SPTB: variants seen among roughly 807,000 people sequenced by gnomAD.
The protein encoded by SPTB is spectrin beta chain, erythrocytic.
Under a neutral mutation model 256.2 loss-of-function variants are expected in SPTB, and 45 were observed. The observed-to-expected ratio is 0.18, with a 90% confidence interval of 0.14 to 0.23. The LOEUF (loss-of-function observed/expected upper bound fraction) is 0.23. SPTB is among the 10% of genes least tolerant of loss of function. The probability of loss-of-function intolerance (pLI) is 1.00; values close to 1 mark genes in which losing one functional copy is unlikely to be tolerated. For missense variants in SPTB, 2,715 were observed against 3,040.4 expected, an observed-to-expected ratio of 0.89 and a Z score of 2.52; for synonymous variants, 1,231 against 1,243.1, an observed-to-expected ratio of 0.99 and a Z score of 0.21.
rs1173402723 is a variant in SPTB, at chr14:64,823,963, T to G, written c.-51-818A>C. ...TGATGAACCAGCGCATCAGGAGCAC[T>G]GGGTCCTCCCTCACCCGTCATCAGT... is the stretch of plus-strand genomic sequence containing the variant. On this transcript the variant is annotated intron_variant, in intron 1 of 35. Coordinates refer to ENST00000644917, the MANE Select transcript of SPTB (RefSeq NM_001355436.2). This position sits in a 1 kb window ranked among gnomAD's most constrained non-coding sequence, Gnocchi z 6.5. Among the ~76,000 whole-genome samples, 3 of 152,206 alleles carry G rather than the reference T, an allele frequency of 2.0e-5. No homozygotes were observed. Among genetic ancestry groups the G allele is most frequent in the African/African-American group, 4.8e-5 (2 of 41,454 alleles).
chr14:64,775,444 C>T lies in SPTB; in HGVS notation c.4564-41G>A, dbSNP rs1391817629. The T allele has an allele frequency of 6.3e-7, 1 of 1,593,248 alleles. No individual in the cohort carries two copies. Among genetic ancestry groups the T allele is most frequent in the South Asian group, 1.1e-5 (1 of 88,318 alleles). On this transcript the variant is annotated intron_variant, in intron 22 of 35. Transcript: ENST00000644917. The surrounding 1 kb of genome is among the most constrained non-coding windows in gnomAD (Gnocchi z 5.0). ...AGGGCTCGGGGCAGGGCCTTCCCAC[C>T]ATGCGGGGGAGGCTGCTTCAGCAGT...
Position 64,790,554 on chromosome 14 carries a change from C to T in SPTB, c.2804+1165G>A, listed in dbSNP as rs10129595. Among the ~76,000 whole-genome samples the T allele has an allele frequency of 0.086, 13,164 of 152,264 alleles. 615 individuals are homozygous for T. The highest frequency in any genetic ancestry group is 0.19 in the South Asian group (897 of 4,826). ...CACTCTGCAGCTTGGGCTGCTAAGA[C>T]AATCATCCCATTCTAGTGGCTCTAA... On this transcript the variant is annotated intron_variant, in intron 15 of 35. Transcript: ENST00000644917. This position sits in a 1 kb window ranked among gnomAD's most constrained non-coding sequence, Gnocchi z 4.8.
Position 64,799,847 on chromosome 14 carries a change from T to C in SPTB, c.964A>G (p.Ile322Val), listed in dbSNP as rs202239352. Residue 322 changes from isoleucine (I) to valine (V), a missense_variant, in exon 9 of 36, where the codon ATC (isoleucine) becomes GTC (valine). Physicochemically the swap from Ile to Val is conservative, Grantham distance 29. This residue lies in a region of SPTB where 416 missense variants were observed against 571.1 expected (regional missense o/e 0.73). Coordinates refer to ENST00000644917, the MANE Select transcript of SPTB (RefSeq NM_001355436.2). The stretch of plus-strand genomic sequence containing the variant: ...AACTTGCGGCTGTTCAGGACAGTGA[T>C]GGTCTGCTCGATCCAGGTGAGCAGG... ...SDLLTWIEQT[I>V]TVLNSRKFAN... is the part of the protein sequence containing the mutation. 290 of 1,614,256 alleles carry C rather than the reference T, an allele frequency of 1.8e-4. No homozygotes were observed. Among genetic ancestry groups the C allele is most frequent in the Middle Eastern group, 4.9e-4 (3 of 6,062 alleles).
chr14:64,871,558 G>A (rs1239876059), intron 1 of SPTB, among the ~76,000 whole-genome samples: 4 of 152,180 alleles, frequency 2.6e-5, no homozygotes, highest in Admixed American at 6.5e-5. Flanking sequence ...ACTCCAGGTC[G>A]CTTAACTTGA....
In SPTB at chr14:64,771,002, C is replaced by T. The variant is rs1371219955; in HGVS notation, c.5681G>A (p.Gly1894Glu). 6.2e-7 allele frequency: 1 copy of T among 1,614,160 alleles called. No individual in the cohort carries two copies. The highest frequency in any genetic ancestry group is 1.1e-5 in the South Asian group (1 of 91,092). ...AWQALLDACA[G>E]RRTQLVDTAD... is the part of the protein sequence containing the mutation. The stretch of plus-strand genomic sequence containing the variant: ...CGTGTCCACTAGCTGGGTCCGGCGC[C>T]CGGCACAGGCATCGAGCAGCGCCTG... The change falls in exon 27 of 36, where the codon GGG (glycine) becomes GAG (glutamate). Residue 1894 changes from glycine to glutamate, a missense_variant. Physicochemically the swap from Gly to Glu is moderately conservative, Grantham distance 98. Coordinates refer to ENST00000644917, the MANE Select transcript of SPTB (RefSeq NM_001355436.2).
At chr14:64,801,943 T>C in intron 5 of SPTB, 109 bp from the exon 6 acceptor site, 2 of 1,152,836 alleles carry the variant, frequency 1.7e-6, no homozygotes, top group Admixed American at 3.7e-5. Flanking sequence ...CTGTCCTTTC[T>C]TGAGCCAGGT....
chr14:64,749,914 C>T lies in SPTB; in HGVS notation c.6776+67G>A, dbSNP rs1233946404. On this transcript the variant is annotated intron_variant, in intron 34 of 35. Coordinates refer to ENST00000644917, the MANE Select transcript of SPTB (RefSeq NM_001355436.2). This position sits in a 1 kb window ranked among gnomAD's most constrained non-coding sequence, Gnocchi z 4.7. ...CTGGCACTGGTCCCCTACAGAGGGC[C>T]TCTGCCCTGCCACTAATGCCAAATC... The T allele has an allele frequency of 3.1e-6, 5 of 1,605,860 alleles. No homozygotes were observed. In the African/African-American group the frequency reaches 5.3e-5, roughly 17 times the overall value.
chr14:64,765,280 C>G (rs1414233147), intron 32 of SPTB, among the ~76,000 whole-genome samples: 1 of 152,070 alleles, frequency 6.6e-6, no homozygotes, highest in Non-Finnish European at 1.5e-5. Flanking sequence ...TCCCTTGGCC[C>G]CCAGTGCAGC....
In SPTB at chr14:64,775,016, T is replaced by C. The variant is rs2082335779; in HGVS notation, c.4842+109A>G. The C allele has an allele frequency of 1.3e-6, 2 of 1,511,800 alleles. No homozygotes were observed. The highest frequency in any genetic ancestry group is 1.8e-6 in the Non-Finnish European group (2 of 1,094,842). 93.6% of individuals were successfully genotyped at this position (1,511,800 alleles called of 1,614,324 possible). On this transcript the variant is annotated intron_variant, in intron 23 of 35. Coordinates refer to ENST00000644917, the MANE Select transcript of SPTB (RefSeq NM_001355436.2). The surrounding 1 kb of genome is among the most constrained non-coding windows in gnomAD (Gnocchi z 5.0). Reference sequence around the variant, plus strand: ...CTGTGGGTTCCTTGTGCCCCTCCCCTGGCCTCACTCCTCACACAGTTGGAC... The same window carrying C: ...CTGTGGGTTCCTTGTGCCCCTCCCCCGGCCTCACTCCTCACACAGTTGGAC...
intron 1 of SPTB, among the ~76,000 whole-genome samples, chr14:64,851,457 T>C (rs962057776): frequency 1.3e-5 from 2 of 150,636 alleles, no homozygotes; most frequent in African/African-American, 2.4e-5. Context: ...GCAGTAGCAG[T>C]AGCAGTAGTA....
rs1594816941 is a variant in SPTB, at chr14:64,824,306, A to G, written c.-51-1161T>C. ...GGACAAGAGTCCAAGCAAAGGGAAT[A>G]AAGAGTAGGTGTAAAGTCCTGAAGG... On this transcript the variant is annotated intron_variant, in intron 1 of 35. Transcript: ENST00000644917. The surrounding 1 kb of genome is among the most constrained non-coding windows in gnomAD (Gnocchi z 5.7). Among the ~76,000 whole-genome samples the G allele has an allele frequency of 6.6e-6, 1 of 152,176 alleles. No individual in the cohort carries two copies. Among genetic ancestry groups the G allele is most frequent in the African/African-American group, 2.4e-5 (1 of 41,432 alleles).
chr14:64,797,280 G>A (rs4902316), intron 10 of SPTB, among the ~76,000 whole-genome samples: 2,892 of 151,922 alleles, frequency 0.019, 72 homozygotes, highest in African/African-American at 0.043. Flanking sequence ...AACCAGCCTA[G>A]GCAACATTGC....
intron 9 of SPTB, 63 bp from the exon 10 acceptor site, chr14:64,797,909 A>C (rs1394811692): frequency 3.4e-6 from 4 of 1,182,208 alleles, no homozygotes; most frequent in Non-Finnish European, 5.1e-6. Context: ...TTTTTTGCTA[A>C]AGTCAACACG....
At chr14:64,776,858 T>G (rs1188274750) in intron 22 of SPTB, among the ~76,000 whole-genome samples, 4 of 152,234 alleles carry the variant, frequency 2.6e-5, no homozygotes, top group Non-Finnish European at 5.9e-5. Context: ...TAAGTTCTTT[T>G]CTATGTACCA....
intron 4 of SPTB, among the ~76,000 whole-genome samples, chr14:64,803,344 A>T (rs907170681): frequency 6.6e-6 from 1 of 152,196 alleles, no homozygotes; most frequent in Non-Finnish European, 1.5e-5. Context: ...TTCCAGCCAG[A>T]TATCAACCCA....
chr14:64,808,849 G>T (rs755857538), intron 2 of SPTB, among the ~76,000 whole-genome samples: 1 of 152,144 alleles, frequency 6.6e-6, no homozygotes, highest in Non-Finnish European at 1.5e-5. Context: ...GTTCCAGGAA[G>T]AGAGAGGTCA....
rs1566762795 is a variant in SPTB at position 64,791,795 on chromosome 14, C to T, written c.2728G>A (p.Ala910Thr). 5 of 1,614,150 alleles carry T rather than the reference C, an allele frequency of 3.1e-6. No individual in the cohort carries two copies. The highest frequency in any genetic ancestry group is 3.4e-6 in the Non-Finnish European group (4 of 1,180,030). Residue 910 changes from alanine (A) to threonine (T), a missense_variant, in exon 15 of 36, where the codon GCT becomes ACT. Physicochemically the swap from Ala to Thr is moderately conservative, Grantham distance 58. Coordinates refer to ENST00000644917, the MANE Select transcript of SPTB (RefSeq NM_001355436.2). ...CCACTCTCTACCAAGCTGTTGGCAG[C>T]GAGGTTCACACCATCAATCTGAGTC... is the stretch of plus-strand genomic sequence containing the variant. ...LMTQIDGVNL[A>T]ANSLVESGHP...
Position 64,841,695 on chromosome 14 carries a change from G to C in SPTB, c.-51-18550C>G, listed in dbSNP as rs961444252. Among the ~76,000 whole-genome samples, 17 of 152,088 alleles carry C rather than the reference G, an allele frequency of 1.1e-4. No homozygotes were observed. Among genetic ancestry groups the C allele is most frequent in the African/African-American group, 4.1e-4 (17 of 41,372 alleles). Reference sequence around the variant, plus strand: ...CCAGGACAGACCAGTGGCAGAGTCAGAGGGAAATGTCTACGTCTAATCTCC... The same window carrying C: ...CCAGGACAGACCAGTGGCAGAGTCACAGGGAAATGTCTACGTCTAATCTCC... On this transcript the variant is annotated intron_variant, in intron 1 of 35. Coordinates refer to ENST00000644917, the MANE Select transcript of SPTB (RefSeq NM_001355436.2). This position sits in a 1 kb window ranked among gnomAD's most constrained non-coding sequence, Gnocchi z 4.6.
Position 64,764,512 on chromosome 14 carries a change from G to A in SPTB, c.6345+2214C>T, listed in dbSNP as rs1457356911. ...TGGCTCTCCGGAAAGGGTCTCAAAT[G>A]TGGGCTCACTTCTTCCCCCAAAGAG... On this transcript the variant is annotated intron_variant, in intron 32 of 35. Transcript: ENST00000644917. This position sits in a 1 kb window ranked among gnomAD's most constrained non-coding sequence, Gnocchi z 4.2. Among the ~76,000 whole-genome samples, 2 of 152,238 alleles carry A rather than the reference G, an allele frequency of 1.3e-5. No individual in the cohort carries two copies. Among genetic ancestry groups the A allele is most frequent in the Non-Finnish European group, 2.9e-5 (2 of 68,046 alleles).
Sources: gnomAD v4.1 joint callset for allele counts (sites outside exome capture counted in the v4.1 genomes callset) on GRCh38, gnomAD v4.1.1 for gene constraint, gnomAD v4.1.1 regional missense constraint, Gnocchi (gnomAD v3.1) non-coding constraint, MANE v1.5 for transcripts, NCBI Gene and HGNC (gene_info 2026-07-23, HGNC 2026-07-21) for gene names.